The following CNTN3 variants were observed in gnomAD, a reference collection of about 807,000 sequenced individuals.
The protein encoded by CNTN3 is contactin 3.
In CNTN3, 60 loss-of-function variants were observed where a neutral mutation model predicts 119.1. The observed-to-expected ratio is 0.50, with a 90% CI of 0.41 to 0.62. The LOEUF is 0.62. Ranked by LOEUF, CNTN3 falls within the 20% of genes least tolerant of loss-of-function variation. The probability of loss-of-function intolerance (pLI) is 0.00; values close to 1 mark genes in which losing one functional copy is unlikely to be tolerated. For synonymous variants in CNTN3, 450 were observed against 438.7 expected (o/e 1.03, Z -0.32); for missense variants, 1,101 against 1,242.4 (o/e 0.89, Z 1.71).
At chr3:74,543,504 T>C (rs975026190) in intron 1 of CNTN3, among the ~76,000 whole-genome samples, 1 of 152,176 alleles carries the variant, frequency 6.6e-6, no homozygotes, top group Non-Finnish European at 1.5e-5. Context: ...TACAGATTAA[T>C]AGGAAACATT....
chr3:74,571,419 C>T (rs1340287021), intron 1 of CNTN3, among the ~76,000 whole-genome samples: 2 of 152,096 alleles, frequency 1.3e-5, no homozygotes, highest in East Asian at 1.9e-4. Flanking sequence ...ATTAGCTTAG[C>T]GGTACAGACC....
intron 1 of CNTN3, among the ~76,000 whole-genome samples, chr3:74,603,212 A>AC (rs1382123732): frequency 6.6e-6 from 1 of 152,128 alleles, no homozygotes; most frequent in African/African-American, 2.4e-5. Context: ...CTGATTATGG[A>AC]CCACTACTCA....
At position 74,412,810 on chromosome 3, in the gene CNTN3, A is replaced by G. The variant is rs58010313; in HGVS notation, c.454+12035T>C. ...AGTAGCCCATGAACCCTCCAGGTGGAACATTCAGTTTACCACAATCCCTTC... is the reference window on the plus strand; with the variant it reads ...AGTAGCCCATGAACCCTCCAGGTGGGACATTCAGTTTACCACAATCCCTTC... On this transcript the variant is annotated intron_variant, in intron 5 of 22. Transcript: ENST00000263665. Among the ~76,000 whole-genome samples, 357 of 152,332 alleles carry G rather than the reference A, an allele frequency of 2.3e-3. 2 individuals are homozygous for G. The highest frequency in any genetic ancestry group is 8.4e-3 in the African/African-American group (348 of 41,578).
chr3:74,288,877 G>A (rs1163347161), intron 19 of CNTN3, among the ~76,000 whole-genome samples: 1 of 152,206 alleles, frequency 6.6e-6, no homozygotes, highest in Non-Finnish European at 1.5e-5. Flanking sequence ...GAGCCTGAGT[G>A]TAACGGCTTA....
At chr3:74,502,644 A>G (rs898332435) in intron 2 of CNTN3, among the ~76,000 whole-genome samples, 3 of 152,050 alleles carry the variant, frequency 2.0e-5, no homozygotes, top group Admixed American at 2.0e-4. Context: ...CCTGCTTCTC[A>G]GACACGCTGA....
chr3:74,336,725 AT>A, intron 11 of CNTN3, 67 bp from the exon 12 acceptor site: 1 of 1,291,514 alleles, frequency 7.7e-7, no homozygotes, highest in South Asian at 1.5e-5. Flanking sequence ...GAATATACAT[AT>A]TTTTACAGAA....
At chr3:74,571,200 T>C (rs1287728202) in intron 1 of CNTN3, among the ~76,000 whole-genome samples, 1 of 152,170 alleles carries the variant, frequency 6.6e-6, no homozygotes, top group African/African-American at 2.4e-5. Flanking sequence ...TATGAAGTGT[T>C]GAATATCATT....
At chr3:74,379,501 T>C (rs1704563913) in intron 5 of CNTN3, among the ~76,000 whole-genome samples, 1 of 152,188 alleles carries the variant, frequency 6.6e-6, no homozygotes, top group Non-Finnish European at 1.5e-5. Context: ...GATATAGCAA[T>C]GTCCTTCACG....
chr3:74,548,046 C>A (rs1185951960), intron 1 of CNTN3, among the ~76,000 whole-genome samples: 2 of 152,108 alleles, frequency 1.3e-5, no homozygotes, highest in African/African-American at 4.8e-5. Context: ...ACTAAATGAA[C>A]CATCCATTCA....
rs954304771 is a variant in CNTN3 at position 74,594,095 on chromosome 3, A to G, written c.-81+20296T>C. ...CAGTAAGAGATGGGGATGCGCTGAG[A>G]AGGGCAGGCAAACTCTGAATAGATT... On this transcript the variant is annotated intron_variant, in intron 1 of 22. Coordinates refer to ENST00000263665, the MANE Select transcript of CNTN3 (RefSeq NM_020872.3). Among the ~76,000 whole-genome samples the G allele has an allele frequency of 4.0e-5, 6 of 151,892 alleles. No individual in the cohort carries two copies. The South Asian group carries it at 1.2e-3, about 32-fold the overall frequency.
At chr3:74,587,354 TGAG>T (rs756228994) in intron 1 of CNTN3, among the ~76,000 whole-genome samples, 2 of 152,046 alleles carry the variant, frequency 1.3e-5, no homozygotes, top group Non-Finnish European at 1.5e-5. Context: ...CAATGAGATG[TGAG>T]GAGAAGTGAT....
chr3:74,453,308 G>A (rs1426286842), intron 4 of CNTN3, among the ~76,000 whole-genome samples: 2 of 152,236 alleles, frequency 1.3e-5, no homozygotes, highest in East Asian at 3.9e-4. Flanking sequence ...TTGCGAAGAG[G>A]TGTTTGTAGT....
chr3:74,423,097 A>G (rs1041251571), intron 5 of CNTN3, among the ~76,000 whole-genome samples: 2 of 152,212 alleles, frequency 1.3e-5, no homozygotes, highest in African/African-American at 4.8e-5. Flanking sequence ...TATGGAGAGA[A>G]GTGCAGTCAA....
chr3:74,432,450 T>C (rs1300456136), intron 4 of CNTN3, among the ~76,000 whole-genome samples: 2 of 151,938 alleles, frequency 1.3e-5, no homozygotes, highest in Non-Finnish European at 2.9e-5. Context: ...AAATTTGTGT[T>C]GGGCTGCATT....
rs745516221 is a variant in CNTN3, at chr3:74,285,291, C to T, written c.2704+14G>A. The T allele has an allele frequency of 5.0e-6, 8 of 1,584,516 alleles. No individual in the cohort carries two copies. The East Asian group carries it at 1.4e-4, about 27-fold the overall frequency. On this transcript the variant is annotated intron_variant, in intron 20 of 22. Transcript: ENST00000263665. ...TATTTTCCGTACCATTCAAAGAAAT[C>T]AGAATATACTTACGCGTTTTCTTGG...
At position 74,371,176 on chromosome 3, in the gene CNTN3, A is replaced by C. The variant is rs1418483214; in HGVS notation, c.658+20T>G. On this transcript the variant is annotated intron_variant, in intron 6 of 22. Coordinates refer to ENST00000263665, the MANE Select transcript of CNTN3 (RefSeq NM_020872.3). ...CAGCACCATTTACGCTCAGAAGTGC[A>C]CTTGGAGAAGTTTCATTACCATCAG... 6.3e-7 allele frequency: 1 copy of C among 1,591,632 alleles called. No homozygotes were observed. Among genetic ancestry groups the C allele is most frequent in the Non-Finnish European group, 8.6e-7 (1 of 1,160,162 alleles).
At chr3:74,455,011 CTTTG>C (rs1189761022) in intron 4 of CNTN3, among the ~76,000 whole-genome samples, 6 of 152,098 alleles carry the variant, frequency 3.9e-5, no homozygotes, top group Non-Finnish European at 8.8e-5. Flanking sequence ...CAAAGAGTAT[CTTTG>C]TCGTGTTCTC....
chr3:74,289,599 A>G (rs564773664), intron 19 of CNTN3, among the ~76,000 whole-genome samples: 1 of 152,310 alleles, frequency 6.6e-6, no homozygotes, highest in Non-Finnish European at 1.5e-5. Context: ...TATTCAAAAC[A>G]GAGAAAAGTG....
intron 5 of CNTN3, among the ~76,000 whole-genome samples, chr3:74,382,101 G>A (rs1202707381): frequency 6.6e-6 from 1 of 152,022 alleles, no homozygotes; most frequent in Non-Finnish European, 1.5e-5. Context: ...CCAGCTACTT[G>A]AGAGTCTGAG....
Sources: gnomAD v4.1 joint callset for allele counts (sites outside exome capture counted in the v4.1 genomes callset) on GRCh38, gnomAD v4.1.1 for gene constraint, MANE v1.5 for transcripts, NCBI Gene and HGNC (gene_info 2026-07-23, HGNC 2026-07-21) for gene names.